The following TTLL11 variants were observed in gnomAD, a reference collection of about 807,000 sequenced individuals.
TTLL11 encodes tubulin tyrosine ligase like 11, also known as tubulin polyglutamylase TTLL11.
TTLL11 carries 42 observed loss-of-function variants against 51.7 expected under a neutral mutation model. The ratio of observed to expected loss-of-function variants is 0.81; its 90% CI spans 0.64 to 1.05. The LOEUF (loss-of-function observed/expected upper bound fraction) is 1.05. TTLL11 is among the 50% of genes least tolerant of loss of function. The pLI is 0.00. For missense variants in TTLL11, 799 were observed against 940.4 expected, an observed-to-expected ratio of 0.85 and a Z score of 1.97; for synonymous variants, 381 against 383.5, an observed-to-expected ratio of 0.99 and a Z score of 0.08.
intron 3 of TTLL11, among the ~76,000 whole-genome samples, chr9:122,030,578 A>T (rs191425335): frequency 6.6e-6 from 1 of 152,172 alleles, no homozygotes; most frequent in Non-Finnish European, 1.5e-5. Context: ...TCATCCATAA[A>T]ATGGGGATAA....
chr9:121,931,711 G>T (rs1840990313), intron 6 of TTLL11, among the ~76,000 whole-genome samples: 1 of 151,930 alleles, frequency 6.6e-6, no homozygotes, highest in Admixed American at 6.6e-5. Context: ...AACAGGGCTT[G>T]TGGAACAATA....
intron 6 of TTLL11, among the ~76,000 whole-genome samples, chr9:121,896,579 G>A (rs1333103362): frequency 6.6e-6 from 1 of 152,156 alleles, no homozygotes; most frequent in Non-Finnish European, 1.5e-5. Context: ...CTCCCGGGTC[G>A]GGACATAAGT....
chr9:121,974,673 A>C (rs569696753), intron 5 of TTLL11, among the ~76,000 whole-genome samples: 14 of 152,338 alleles, frequency 9.2e-5, no homozygotes, highest in African/African-American at 3.4e-4. Flanking sequence ...ACACTGGAAA[A>C]ACAGCATGCT....
In TTLL11 at chr9:122,014,430, C is replaced by G. The variant is rs187232954; in HGVS notation, c.693+17293G>C. Among the ~76,000 whole-genome samples the G allele has an allele frequency of 3.7e-3, 559 of 152,292 alleles. 12 individuals carry two copies. Among genetic ancestry groups the G allele is most frequent in the Admixed American group, 0.034 (521 of 15,298 alleles). ...GTCTCCTAACTCCAGTTCAGTGTTT[C>G]ATTTCACTTGAAATGACTGCATAGG... On this transcript the variant is annotated intron_variant, in intron 3 of 8. Transcript: ENST00000321582.
intron 6 of TTLL11, among the ~76,000 whole-genome samples, chr9:121,895,993 TGTGTGA>T (rs1416565978): frequency 3.3e-5 from 4 of 120,026 alleles, no homozygotes; most frequent in African/African-American, 1.3e-4. Flanking sequence ...GTGGGTGTTT[TGTGTGA>T]GTGTGTATGT....
intron 3 of TTLL11, among the ~76,000 whole-genome samples, chr9:122,022,406 T>C (rs974253685): frequency 1.3e-5 from 2 of 151,926 alleles, no homozygotes; most frequent in Non-Finnish European, 2.9e-5. Context: ...GAATGTTATA[T>C]AAAGAAGATC....
chr9:121,831,699 CAA>C (rs35519622), intron 8 of TTLL11, among the ~76,000 whole-genome samples: 6,894 of 133,342 alleles, frequency 0.052, 214 homozygotes, highest in Middle Eastern at 0.077. Flanking sequence ...GACTCTGTCT[CAA>C]AAAAAAAAAA....
Position 121,853,115 on chromosome 9 carries a change from G to A in TTLL11, c.1840+7222C>T, listed in dbSNP as rs199564798. Among the ~76,000 whole-genome samples the A allele has an allele frequency of 1.3e-5, 2 of 152,236 alleles. No homozygotes were observed. Among genetic ancestry groups the A allele is most frequent in the East Asian group, 3.8e-4 (2 of 5,202 alleles). ...GTCAGATGACTCGCAGTCGGTGACTGAGGGATTTTGCTGAGAGATGGTCAT... is the reference window on the plus strand; with the variant it reads ...GTCAGATGACTCGCAGTCGGTGACTAAGGGATTTTGCTGAGAGATGGTCAT... On this transcript the variant is annotated intron_variant, in intron 8 of 8. Coordinates refer to ENST00000321582, the MANE Select transcript of TTLL11 (RefSeq NM_001139442.2). This position sits in a 1 kb window ranked among gnomAD's most constrained non-coding sequence, Gnocchi z 5.6.
At chr9:122,015,873 G>T (rs1462163925) in intron 3 of TTLL11, among the ~76,000 whole-genome samples, 3 of 151,822 alleles carry the variant, frequency 2.0e-5, no homozygotes, top group African/African-American at 7.3e-5. Context: ...ACTCAATTTG[G>T]CAAATATATT....
At chr9:121,900,625 T>A (rs1839740588) in intron 6 of TTLL11, among the ~76,000 whole-genome samples, 1 of 152,228 alleles carries the variant, frequency 6.6e-6, no homozygotes, top group African/African-American at 2.4e-5. Context: ...ATTGGATGTA[T>A]GACCTTCTTA....
chr9:121,985,508 C>CTTTTTTTTTTTTT (rs766262272), intron 4 of TTLL11, among the ~76,000 whole-genome samples: 1 of 131,342 alleles, frequency 7.6e-6, no homozygotes, highest in African/African-American at 3.0e-5. Context: ...ATACCATTTT[C>CTTTTTTTTTTTTT]TTTTCTTTTT....
At chr9:121,935,125 T>TTTG (rs538450896) in intron 6 of TTLL11, among the ~76,000 whole-genome samples, 65 of 151,958 alleles carry the variant, frequency 4.3e-4, no homozygotes, top group African/African-American at 1.5e-3. Context: ...CGGCTATTTT[T>TTTG]TTTTTGTATT....
intron 8 of TTLL11, among the ~76,000 whole-genome samples, chr9:121,830,275 C>T (rs976831151): frequency 2.6e-5 from 4 of 152,132 alleles, no homozygotes; most frequent in African/African-American, 4.8e-5. Flanking sequence ...CTCGAACTTT[C>T]GAAACTCCCA....
intron 3 of TTLL11, among the ~76,000 whole-genome samples, chr9:121,996,502 A>G (rs73662559): frequency 0.032 from 4,850 of 152,286 alleles, 263 homozygotes; most frequent in African/African-American, 0.11. Context: ...TAGAGTACAC[A>G]CATGCGAGCA....
chr9:121,993,242 G>GTA (rs1843165068), intron 3 of TTLL11, among the ~76,000 whole-genome samples: 1 of 152,146 alleles, frequency 6.6e-6, no homozygotes, highest in African/African-American at 2.4e-5. Flanking sequence ...TAATGCCACT[G>GTA]TACACTTAAC....
chr9:121,875,145 G>A (rs1838522137), intron 6 of TTLL11, among the ~76,000 whole-genome samples: 1 of 152,160 alleles, frequency 6.6e-6, no homozygotes, highest in African/African-American at 2.4e-5. Context: ...TTGTGTAACT[G>A]TCACCAGTAT....
intron 6 of TTLL11, among the ~76,000 whole-genome samples, chr9:121,930,603 C>T (rs963595746): frequency 3.3e-5 from 5 of 152,200 alleles, no homozygotes; most frequent in East Asian, 1.9e-4. Context: ...ATGGCTCACC[C>T]GGGGCCAGCC....
rs571659830 is a variant in TTLL11, at chr9:122,041,628, G to A, written c.463-2260C>T. Among the ~76,000 whole-genome samples the A allele has an allele frequency of 1.8e-3, 276 of 152,100 alleles. 1 individual carries two copies. Among genetic ancestry groups the A allele is most frequent in the African/African-American group, 6.5e-3 (270 of 41,478 alleles). ...TCAACTGTGTTTCATACATGATGAG[G>A]AGCAATCCAAAAAGGACCTTTTTTT... On this transcript the variant is annotated intron_variant, in intron 1 of 8. Coordinates refer to ENST00000321582, the MANE Select transcript of TTLL11 (RefSeq NM_001139442.2).
intron 6 of TTLL11, among the ~76,000 whole-genome samples, chr9:121,907,626 A>G (rs999145133): frequency 1.3e-5 from 2 of 152,170 alleles, no homozygotes; most frequent in African/African-American, 4.8e-5. Context: ...CTTTCAGGCA[A>G]TCACTGTGTG....
Sources: allele counts gnomAD v4.1 joint callset (sites outside exome capture counted in the v4.1 genomes callset), GRCh38; gene constraint gnomAD v4.1.1; non-coding constraint Gnocchi (gnomAD v3.1); transcripts MANE v1.5; gene names NCBI Gene and HGNC (gene_info 2026-07-23, HGNC 2026-07-21).